The following ARHGAP26 variants were observed in gnomAD, a reference collection of about 807,000 sequenced individuals.
The protein encoded by ARHGAP26 is Rho GTPase activating protein 26.
In ARHGAP26, 38 loss-of-function variants were observed where a neutral mutation model predicts 104.8. The ratio of observed to expected loss-of-function variants is 0.36; its 90% CI spans 0.28 to 0.48. The LOEUF is 0.48. Among genes scored for constraint, ARHGAP26 ranks in the 20% least tolerant of loss-of-function variants. The pLI, the probability that ARHGAP26 is intolerant of heterozygous loss-of-function variation, is 0.99. For missense variants in ARHGAP26, 704 were observed against 947.9 expected, an observed-to-expected ratio of 0.74 and a Z score of 3.38; for synonymous variants, 341 against 340.0, an observed-to-expected ratio of 1.00 and a Z score of -0.03.
rs1439184855 is a variant in ARHGAP26, at chr5:143,223,952, T to C, written c.*1506T>C. 1 of 231,904 alleles carries C rather than the reference T, an allele frequency of 4.3e-6. No homozygotes were observed. Among genetic ancestry groups the C allele is most frequent in the African/African-American group, 2.2e-5 (1 of 45,268 alleles). The allele number at this position is 231,904 out of a possible 1,614,324, so 14.4% of individuals were successfully genotyped here. On this transcript the variant is annotated 3_prime_UTR_variant, in exon 23 of 23. Coordinates refer to ENST00000645722, the MANE Select transcript of ARHGAP26 (RefSeq NM_001135608.3). ...GTGAATGTCATTGCAAGGGTGACTC[T>C]AGACAAACTACAAACCGATGGACCG...
At chr5:143,219,794 A>G (rs1257567599) in intron 22 of ARHGAP26, among the ~76,000 whole-genome samples, 1 of 152,192 alleles carries the variant, frequency 6.6e-6, no homozygotes, top group African/African-American at 2.4e-5. Context: ...TTCTGCTTTA[A>G]TTGATTTGCC....
At chr5:143,166,666 C>A (rs968623246) in intron 20 of ARHGAP26, among the ~76,000 whole-genome samples, 9 of 152,304 alleles carry the variant, frequency 5.9e-5, no homozygotes, top group African/African-American at 2.2e-4. Context: ...GCTAAATTCT[C>A]TGCCATCCAG....
At chr5:143,062,505 A>G (rs3776330) in intron 17 of ARHGAP26, among the ~76,000 whole-genome samples, 3,761 of 146,476 alleles carry the variant, frequency 0.026, 149 homozygotes, top group South Asian at 0.093. Flanking sequence ...AGAATTAAGC[A>G]TGTTGTAGCT....
At chr5:142,915,353 C>CTT (rs1302839708) in intron 10 of ARHGAP26, among the ~76,000 whole-genome samples, 29 of 139,164 alleles carry the variant, frequency 2.1e-4, no homozygotes, top group Non-Finnish European at 2.4e-4. Flanking sequence ...TGAATCTCCT[C>CTT]TTTTTTTTTT....
chr5:143,094,911 G>A (rs1333276760), intron 17 of ARHGAP26, among the ~76,000 whole-genome samples: 1 of 152,062 alleles, frequency 6.6e-6, no homozygotes, highest in African/African-American at 2.4e-5. Flanking sequence ...AATCAAAAAA[G>A]GTTGCTTTAA....
chr5:143,007,931 T>G (rs1239892762), intron 11 of ARHGAP26, among the ~76,000 whole-genome samples: 1 of 152,252 alleles, frequency 6.6e-6, no homozygotes, highest in East Asian at 1.9e-4. Context: ...TATATTACAT[T>G]GCCAACAAGA....
At chr5:143,134,188 T>C in intron 19 of ARHGAP26, 83 bp downstream of exon 19, 5 of 1,438,762 alleles carry the variant, frequency 3.5e-6, no homozygotes, top group Non-Finnish European at 4.6e-6. Flanking sequence ...CACTTCCAGC[T>C]TTTCTCTGTG....
chr5:142,770,943 C>T (rs1289328077), intron 1 of ARHGAP26, 28 bp downstream of exon 1: 1 of 1,583,702 alleles, frequency 6.3e-7, no homozygotes, highest in Admixed American at 1.7e-5. Flanking sequence ...CTCGGGGACG[C>T]GGCTCCGGGG....
intron 10 of ARHGAP26, among the ~76,000 whole-genome samples, chr5:142,924,053 G>A (rs987080721): frequency 4.0e-5 from 6 of 151,718 alleles, no homozygotes; most frequent in Non-Finnish European, 8.8e-5. Flanking sequence ...TAGTAGAGAC[G>A]GGGTTTCACC....
chr5:142,949,601 G>T (rs150412231), intron 11 of ARHGAP26, among the ~76,000 whole-genome samples: 67 of 152,262 alleles, frequency 4.4e-4, no homozygotes, highest in African/African-American at 1.4e-3. Context: ...CTAAACTCCA[G>T]CTACCATGTA....
At chr5:142,776,251 G>A (rs1398409633) in intron 1 of ARHGAP26, among the ~76,000 whole-genome samples, 2 of 152,136 alleles carry the variant, frequency 1.3e-5, no homozygotes, top group Admixed American at 1.3e-4. Context: ...GCGATTACAG[G>A]CATGAACCAC....
intron 12 of ARHGAP26, among the ~76,000 whole-genome samples, chr5:143,028,963 G>C (rs756320507): frequency 6.6e-6 from 1 of 152,172 alleles, no homozygotes; most frequent in African/African-American, 2.4e-5. Context: ...TGCACACCCA[G>C]ATAATTAAGA....
In ARHGAP26 at chr5:143,057,785, C is replaced by T. The variant is rs778089790; in HGVS notation, c.1538+38C>T. On this transcript the variant is annotated intron_variant, in intron 17 of 22. Transcript: ENST00000645722. ...CCAATTACTAGCCTTTTTCTTACCC[C>T]TGAAAGTTCTTATCTTAGCAGTGAA... 5.8e-6 allele frequency: 9 copies of T among 1,538,886 alleles called. No individual in the cohort carries two copies. In the East Asian group the frequency reaches 1.8e-4, roughly 31 times the overall value.
chr5:142,815,685 C>T (rs1038786050), intron 1 of ARHGAP26, among the ~76,000 whole-genome samples: 4 of 152,198 alleles, frequency 2.6e-5, no homozygotes, highest in Non-Finnish European at 5.9e-5. Flanking sequence ...CACAGGCTGT[C>T]CCCAGGACCT....
chr5:143,070,846 A>C (rs1788144649), intron 17 of ARHGAP26, among the ~76,000 whole-genome samples: 1 of 152,172 alleles, frequency 6.6e-6, no homozygotes, highest in African/African-American at 2.4e-5. Flanking sequence ...GGGGACGCGG[A>C]GGTTGCAGTG....
intron 1 of ARHGAP26, among the ~76,000 whole-genome samples, chr5:142,803,595 C>T (rs1030024408): frequency 5.3e-5 from 8 of 152,170 alleles, no homozygotes; most frequent in Admixed American, 2.0e-4. Context: ...ATGACACTTC[C>T]TTCAACCTCA....
rs142843405 is a variant in ARHGAP26, at chr5:142,890,726, C to T, written c.487-3512C>T. Among the ~76,000 whole-genome samples the T allele has an allele frequency of 1.2e-3, 186 of 152,126 alleles. 1 individual carries two copies. Among genetic ancestry groups the T allele is most frequent in the African/African-American group, 4.1e-3 (172 of 41,490 alleles). The stretch of plus-strand genomic sequence containing the variant: ...TGAAGTGCCTGGTGACAGCAACCAC[C>T]GACATGCACGGGACACTTTCCAGTT... On this transcript the variant is annotated intron_variant, in intron 5 of 22. Coordinates refer to ENST00000645722, the MANE Select transcript of ARHGAP26 (RefSeq NM_001135608.3).
intron 11 of ARHGAP26, among the ~76,000 whole-genome samples, chr5:143,010,458 C>T (rs963069644): frequency 6.6e-6 from 1 of 152,228 alleles, no homozygotes; most frequent in African/African-American, 2.4e-5. Context: ...GTAAACAAAA[C>T]CATTCCTGCT....
intron 11 of ARHGAP26, among the ~76,000 whole-genome samples, chr5:142,985,985 A>G (rs531514690): frequency 2.6e-5 from 4 of 152,170 alleles, no homozygotes; most frequent in Non-Finnish European, 5.9e-5. Context: ...ATGTGTTTTT[A>G]TAGCAGCATG....
Sources: gnomAD v4.1 joint callset for allele counts (sites outside exome capture counted in the v4.1 genomes callset) on GRCh38, gnomAD v4.1.1 for gene constraint, MANE v1.5 for transcripts, NCBI Gene and HGNC (gene_info 2026-07-23, HGNC 2026-07-21) for gene names.